KHDC1: variants seen among roughly 807,000 people sequenced by gnomAD.
The protein encoded by KHDC1 is KH homology domain-containing protein 1.
KHDC1 carries 21 observed loss-of-function variants against 24.7 expected under a neutral mutation model. That is an observed-to-expected ratio of 0.85 (90% CI 0.60 to 1.23). KHDC1 has a LOEUF of 1.23. KHDC1 is among the 50% of genes most tolerant of loss of function. The probability of loss-of-function intolerance (pLI) is 0.00; values close to 1 mark genes in which losing one functional copy is unlikely to be tolerated. For missense variants in KHDC1, 274 were observed against 298.5 expected, an observed-to-expected ratio of 0.92 and a Z score of 0.61; for synonymous variants, 98 against 111.7, an observed-to-expected ratio of 0.88 and a Z score of 0.77.
intron 3 of KHDC1, 39 bp from the exon 3 acceptor site, chr6:73,242,276 C>T (rs1766586941): frequency 6.2e-7 from 1 of 1,605,918 alleles, no homozygotes; most frequent in Non-Finnish European, 8.5e-7. Flanking sequence ...CTGTCAAGCA[C>T]CAGCCCTTAG....
chr6:73,307,456 A>T (rs117187214), intron 1 of KHDC1, among the ~76,000 whole-genome samples: 4,400 of 152,082 alleles, frequency 0.029, 84 homozygotes, highest in Middle Eastern at 0.051. Context: ...AATTAATTAA[A>T]TAAAATCATT....
At chr6:73,294,019 C>CAA (rs58251692) in intron 1 of KHDC1, among the ~76,000 whole-genome samples, 2 of 141,914 alleles carry the variant, frequency 1.4e-5, no homozygotes, top group Admixed American at 7.4e-5. Flanking sequence ...AAAAAAAAAA[C>CAA]AAAAAAAAAC....
exon 1 of KHDC1, chr6:73,309,790 C>T: frequency 1.3e-6 from 2 of 1,499,206 alleles, no homozygotes; most frequent in Non-Finnish European, 1.8e-6. Flanking sequence ...CCGCAGAGCC[C>T]GCCGGCGGGA....
At chr6:73,243,153 T>C (rs1356226359) in intron 2 of KHDC1, among the ~76,000 whole-genome samples, 4 of 151,874 alleles carry the variant, frequency 2.6e-5, no homozygotes, top group Admixed American at 6.5e-5. Flanking sequence ...GTAAAGAGAT[T>C]AATGTGGTCT....
intron 2 of KHDC1, among the ~76,000 whole-genome samples, chr6:73,259,563 A>G (rs1766941744): frequency 6.6e-6 from 1 of 152,174 alleles, no homozygotes; most frequent in Admixed American, 6.5e-5. Context: ...TAGAACAAAA[A>G]TATTCACATT....
At chr6:73,245,788 ACGTTGGAATTC>A (rs1766654010) in intron 2 of KHDC1, among the ~76,000 whole-genome samples, 1 of 152,160 alleles carries the variant, frequency 6.6e-6, no homozygotes, top group Admixed American at 6.6e-5. Context: ...ACTGAAGAAT[ACGTTGGAATTC>A]CTTAAGTCCA....
intron 1 of KHDC1, chr6:73,299,641 G>A (rs1038671620): frequency 1.3e-5 from 2 of 152,588 alleles, no homozygotes; most frequent in African/African-American, 2.4e-5. Flanking sequence ...CAGGGGCGGA[G>A]GGGGCTCGGG....
At chr6:73,270,367 C>G (rs1767157450) in intron 2 of KHDC1, 1 of 152,074 alleles carries the variant, frequency 6.6e-6, no homozygotes, top group African/African-American at 2.4e-5. Flanking sequence ...GTTTAGGAAT[C>G]ATTTTAAAAT....
chr6:73,254,467 A>AAAATAAATAAAT (rs199968966), intron 2 of KHDC1, among the ~76,000 whole-genome samples: 1 of 140,546 alleles, frequency 7.1e-6, no homozygotes. Flanking sequence ...TCTTAAAATA[A>AAAATAAATAAAT]AAATAAATAA....
intron 1 of KHDC1, chr6:73,292,800 A>G: frequency 1.4e-6 from 1 of 710,256 alleles, no homozygotes. Context: ...CAGGAGTCTT[A>G]CACATATAAA....
intron 2 of KHDC1, chr6:73,275,147 A>C (rs928236280): frequency 6.6e-6 from 1 of 152,254 alleles, no homozygotes. Flanking sequence ...GAGGTTGGGA[A>C]TTTGAGACCA....
chr6:73,310,233 G>A (rs543286286), upstream of KHDC1: 36 of 159,130 alleles, frequency 2.3e-4, no homozygotes, highest in Non-Finnish European at 4.0e-4. Context: ...CCTCTGACCG[G>A]CACCCGAAGG....
At chr6:73,269,707 G>C (rs13217787) in intron 2 of KHDC1, 1 of 151,976 alleles carries the variant, frequency 6.6e-6, no homozygotes, top group Non-Finnish European at 1.5e-5. Context: ...GTTAGGTATA[G>C]TTCAAATGAA....
Position 73,290,769 on chromosome 6 carries a change from C to T in KHDC1, c.206+1229G>A, listed in dbSNP as rs1582582471. 11 of 343,910 alleles carry T rather than the reference C, an allele frequency of 3.2e-5. No individual in the cohort carries two copies. The East Asian group carries it at 8.1e-4, about 25-fold the overall frequency. 21.3% of individuals were successfully genotyped at this position (343,910 alleles called of 1,614,324 possible). Reference sequence around the variant, plus strand: ...AATCATCTTCTGCCACCCACATCTTCTGGTGGTTACTGATTCTAGGGCTAA... The same window carrying T: ...AATCATCTTCTGCCACCCACATCTTTTGGTGGTTACTGATTCTAGGGCTAA... On this transcript the variant is annotated intron_variant, in intron 2 of 4. Transcript: ENST00000370384.
intron 2 of KHDC1, among the ~76,000 whole-genome samples, chr6:73,256,422 C>T (rs937259237): frequency 6.6e-6 from 1 of 152,204 alleles, no homozygotes; most frequent in African/African-American, 2.4e-5. Context: ...TGTGAACAAT[C>T]TGAACTCTTT....
chr6:73,310,208 C>G (rs1002691532), exon 1 of KHDC1: 4 of 157,838 alleles, frequency 2.5e-5, no homozygotes, highest in African/African-American at 9.6e-5. Flanking sequence ...GGACCCGCCT[C>G]TTCCGCCGCT....
Position 73,242,395 on chromosome 6 carries a change from A to G in KHDC1, c.331+11T>C, listed in dbSNP as rs6453661. The G allele has an allele frequency of 0.22, 352,462 of 1,611,692 alleles. 46,448 individuals carry two copies. The highest frequency in any genetic ancestry group is 0.63 in the African/African-American group (47,302 of 74,736). On this transcript the variant is annotated intron_variant, in intron 3 of 4. Coordinates refer to ENST00000370384, the Ensembl canonical transcript of KHDC1. ...AGGATGAAGAAGGGGACGTGGGCAAAGGCCACTCACCGAAGATGAGCTCCT... is the reference window on the plus strand; with the variant it reads ...AGGATGAAGAAGGGGACGTGGGCAAGGGCCACTCACCGAAGATGAGCTCCT...
chr6:73,297,527 CGT>C (rs919993826), intron 1 of KHDC1, among the ~76,000 whole-genome samples: 6 of 152,156 alleles, frequency 3.9e-5, no homozygotes, highest in African/African-American at 1.2e-4. Context: ...AAATTCCAAA[CGT>C]AGATTTGCTG....
At position 73,285,635 on chromosome 6, in the gene KHDC1, A is replaced by G. The variant is rs1322203453; in HGVS notation, c.206+6363T>C. Among the ~76,000 whole-genome samples the G allele has an allele frequency of 3.6e-5, 5 of 139,758 alleles. No homozygotes were observed. In the Admixed American group the frequency reaches 3.6e-4, roughly 10 times the overall value. 91.7% of individuals were successfully genotyped at this position (139,758 alleles called of 152,430 possible). On this transcript the variant is annotated intron_variant, in intron 2 of 4. Transcript: ENST00000370384. ...AGGCCTGAGTCACTGTGCCCGGCCC[A>G]TTTTCTTTTTTTTCTTTTTTTTTTT...
Sources: gnomAD v4.1 joint callset for allele counts (sites outside exome capture counted in the v4.1 genomes callset) on GRCh38, gnomAD v4.1.1 for gene constraint, MANE v1.5 for transcripts, NCBI Gene and HGNC (gene_info 2026-07-23, HGNC 2026-07-21) for gene names.